The following CADM2 variants were observed in gnomAD, a reference collection of about 807,000 sequenced individuals.
The protein encoded by CADM2 is immunoglobulin superfamily member 4D.
Under a neutral mutation model 49.8 loss-of-function variants are expected in CADM2, and 12 were observed. The observed-to-expected ratio is 0.24, with a 90% CI of 0.15 to 0.39. The LOEUF (loss-of-function observed/expected upper bound fraction) is 0.39. CADM2 is among the 10% of genes least tolerant of loss of function. The pLI is 1.00. For missense variants in CADM2, 378 were observed against 492.3 expected, an observed-to-expected ratio of 0.77 and a Z score of 2.20; for synonymous variants, 214 against 175.4, an observed-to-expected ratio of 1.22 and a Z score of -1.74.
chr3:85,119,205 A>T (rs2038756175), intron 1 of CADM2, among the ~76,000 whole-genome samples: 1 of 152,178 alleles, frequency 6.6e-6, no homozygotes, highest in East Asian at 1.9e-4. Context: ...TGAGCCCAGA[A>T]GTTCAAGACT....
chr3:85,188,106 G>A (rs1260661710), intron 1 of CADM2, among the ~76,000 whole-genome samples: 1 of 151,892 alleles, frequency 6.6e-6, no homozygotes, highest in African/African-American at 2.4e-5. Flanking sequence ...AATAATTTAG[G>A]TAATAACCTT....
chr3:85,261,783 T>G (rs2043018847), intron 1 of CADM2, among the ~76,000 whole-genome samples: 1 of 152,136 alleles, frequency 6.6e-6, no homozygotes, highest in African/African-American at 2.4e-5. Flanking sequence ...AGGTATTTTT[T>G]TGGCAATTCA....
rs374295915 is a variant in CADM2 at position 85,881,577 on chromosome 3, G to A, written c.239-1714G>A. ...TCCTAGCTTTCAATTATGGGCTGTGGTTCTAATGAGAATTTAATTTTTAGG... is the reference window on the plus strand; with the variant it reads ...TCCTAGCTTTCAATTATGGGCTGTGATTCTAATGAGAATTTAATTTTTAGG... On this transcript the variant is annotated intron_variant, in intron 3 of 9. Coordinates refer to ENST00000383699, the MANE Select transcript of CADM2 (RefSeq NM_001167675.2). Among the ~76,000 whole-genome samples, 12 of 152,220 alleles carry A rather than the reference G, an allele frequency of 7.9e-5. No individual in the cohort carries two copies. In the East Asian group the frequency reaches 2.1e-3, roughly 27 times the overall value.
intron 1 of CADM2, among the ~76,000 whole-genome samples, chr3:85,390,314 G>A (rs1159327598): frequency 6.6e-6 from 1 of 152,038 alleles, no homozygotes; most frequent in Non-Finnish European, 1.5e-5. Context: ...CTTTGTCAAT[G>A]TCCCTAACTT....
At chr3:86,034,797 T>G (rs2107180927) in intron 8 of CADM2, among the ~76,000 whole-genome samples, 1 of 152,164 alleles carries the variant, frequency 6.6e-6, no homozygotes, top group African/African-American at 2.4e-5. Flanking sequence ...TGATTCTACC[T>G]CTTGTATTGT....
At chr3:85,655,645 A>G (rs1315513934) in intron 1 of CADM2, among the ~76,000 whole-genome samples, 1 of 152,178 alleles carries the variant, frequency 6.6e-6, no homozygotes, top group African/African-American at 2.4e-5. Context: ...GGGAATTTGA[A>G]GCTTACCTAA....
chr3:85,996,065 G>A (rs1424067446), intron 8 of CADM2, among the ~76,000 whole-genome samples: 1 of 150,336 alleles, frequency 6.7e-6, no homozygotes. Context: ...ACTCCAGCCT[G>A]GGCGACAGAG....
chr3:85,978,941 CT>C (rs141692447), intron 8 of CADM2, among the ~76,000 whole-genome samples: 7,153 of 151,452 alleles, frequency 0.047, 545 homozygotes, highest in African/African-American at 0.16. Context: ...AAATAACCTG[CT>C]TACTCTCAAA....
intron 1 of CADM2, among the ~76,000 whole-genome samples, chr3:85,701,927 A>G (rs1329857212): frequency 1.3e-5 from 2 of 151,954 alleles, no homozygotes; most frequent in East Asian, 1.9e-4. Flanking sequence ...AAAAAGGAAG[A>G]AAGAAAAAGA....
intron 1 of CADM2, among the ~76,000 whole-genome samples, chr3:85,198,510 T>A (rs545231699): frequency 6.6e-6 from 1 of 151,882 alleles, no homozygotes; most frequent in South Asian, 2.1e-4. Context: ...AAATATTATA[T>A]GCTAATTCAG....
intron 8 of CADM2, among the ~76,000 whole-genome samples, chr3:86,043,741 C>T (rs1045806408): frequency 1.2e-4 from 18 of 152,120 alleles, no homozygotes; most frequent in African/African-American, 3.1e-4. Context: ...AAAAAAGAGA[C>T]CACCTTGCCA....
chr3:85,069,382 AT>A (rs1013026279), intron 1 of CADM2, among the ~76,000 whole-genome samples: 102 of 152,254 alleles, frequency 6.7e-4, no homozygotes, highest in African/African-American at 2.3e-3. Context: ...GAAGATTAAT[AT>A]TTTTTGTCAA....
intron 1 of CADM2, among the ~76,000 whole-genome samples, chr3:85,563,359 A>G (rs1233058744): frequency 6.7e-6 from 1 of 150,044 alleles, no homozygotes; most frequent in Admixed American, 6.7e-5. Flanking sequence ...ATCTCTTGTA[A>G]CCTAGAAAAT....
Position 85,031,661 on chromosome 3 carries a change from CA to C in CADM2, c.61+71994del, listed in dbSNP as rs571468395. ...TCCCGAGTAGCTGGGACTACAGGCACACGCCACCACGCCCGGCTAATTTTTT... is the reference window on the plus strand; with the variant it reads ...TCCCGAGTAGCTGGGACTACAGGCACCGCCACCACGCCCGGCTAATTTTTT... On this transcript the variant is annotated intron_variant, in intron 1 of 9. Coordinates refer to ENST00000383699, the MANE Select transcript of CADM2 (RefSeq NM_001167675.2). Among the ~76,000 whole-genome samples the C allele has an allele frequency of 4.9e-4, 74 of 152,202 alleles. No homozygotes were observed. The Middle Eastern group carries it at 0.01, about 21-fold the overall frequency.
intron 1 of CADM2, among the ~76,000 whole-genome samples, chr3:85,432,689 G>T (rs1330714944): frequency 6.6e-6 from 1 of 152,086 alleles, no homozygotes; most frequent in African/African-American, 2.4e-5. Context: ...TACTGGTTCA[G>T]GTGCTTTTGA....
intron 3 of CADM2, among the ~76,000 whole-genome samples, chr3:85,876,985 G>A (rs958572433): frequency 3.3e-5 from 5 of 152,076 alleles, no homozygotes; most frequent in African/African-American, 1.2e-4. Context: ...AAAACCAACG[G>A]TGTATTGGAA....
chr3:85,408,449 T>G (rs2035503161), intron 1 of CADM2, among the ~76,000 whole-genome samples: 1 of 152,174 alleles, frequency 6.6e-6, no homozygotes, highest in Non-Finnish European at 1.5e-5. Context: ...CATGAACCAG[T>G]TGTTCTAAAA....
At chr3:85,610,442 A>T (rs1035618101) in intron 1 of CADM2, among the ~76,000 whole-genome samples, 1 of 152,004 alleles carries the variant, frequency 6.6e-6, no homozygotes, top group African/African-American at 2.4e-5. Flanking sequence ...AGTTGATTAA[A>T]ATAAAAGCAA....
chr3:85,445,112 G>A (rs1394418663), intron 1 of CADM2, among the ~76,000 whole-genome samples: 1 of 152,068 alleles, frequency 6.6e-6, no homozygotes, highest in South Asian at 2.1e-4. Flanking sequence ...AGTAGTTTTT[G>A]ATATCTTCGT....
Sources: allele counts gnomAD v4.1 joint callset (sites outside exome capture counted in the v4.1 genomes callset), GRCh38; gene constraint gnomAD v4.1.1; transcripts MANE v1.5; gene names NCBI Gene and HGNC (gene_info 2026-07-23, HGNC 2026-07-21).